The following KCNQ1OT1 variants were observed in gnomAD, a reference collection of about 807,000 sequenced individuals.
KCNQ1OT1 encodes the protein KCNQ1 antisense RNA 2 (non-protein coding).
chr11:2,628,383 A>G (rs1849294458), exon 1 of KCNQ1OT1: 2 of 398,366 alleles, frequency 5.0e-6, no homozygotes, highest in South Asian at 2.5e-4. Flanking sequence ...TTCCCTGATG[A>G]TAAGTGATGT....
In KCNQ1OT1 at chr11:2,652,910, A is replaced by G. The variant is rs1849779471; in HGVS notation, n.47085T>C. ...TGTGGGGTGTGGTCCTCAGTATCCTAAACTTAGGTTTTGGAAAGCCCAGCA... is the reference window on the plus strand; with the variant it reads ...TGTGGGGTGTGGTCCTCAGTATCCTGAACTTAGGTTTTGGAAAGCCCAGCA... On this transcript the variant is annotated non_coding_transcript_exon_variant, in exon 1 of 1. Transcript: ENST00000597346. The surrounding 1 kb of genome is among the most constrained non-coding windows in gnomAD (Gnocchi z 5.9). 1 of 398,628 alleles carries G rather than the reference A, an allele frequency of 2.5e-6. No individual in the cohort carries two copies. Among genetic ancestry groups the G allele is most frequent in the African/African-American group, 2.1e-5 (1 of 48,750 alleles). The allele number at this position is 398,628 out of a possible 1,614,324, so 24.7% of individuals were successfully genotyped here.
chr11:2,638,623 C>G (rs1413192949), exon 1 of KCNQ1OT1: 1 of 152,154 alleles, frequency 6.6e-6, no homozygotes, highest in East Asian at 1.9e-4. Flanking sequence ...TCCTTCATTT[C>G]AACTTTGGTG....
In KCNQ1OT1 at chr11:2,626,512, G is replaced by T. The variant is rs533151733; in HGVS notation, n.73483C>A. ...TCAATACCACATAGTTTTGATTACT[G>T]TAGCTTCGTAATAAGTTGGGGTTTT... On this transcript the variant is annotated non_coding_transcript_exon_variant, in exon 1 of 1. Coordinates refer to ENST00000597346, the Ensembl canonical transcript of KCNQ1OT1. This position sits in a 1 kb window ranked among gnomAD's most constrained non-coding sequence, Gnocchi z 4.0. 6 of 398,438 alleles carry T rather than the reference G, an allele frequency of 1.5e-5. No homozygotes were observed. Among genetic ancestry groups the T allele is most frequent in the Non-Finnish European group, 2.7e-5 (6 of 226,086 alleles). 24.7% of individuals were successfully genotyped at this position (398,438 alleles called of 1,614,324 possible). A position where few individuals can be genotyped will look rare whatever the true frequency, so the allele number is the denominator to read the frequency against.
At position 2,677,616 on chromosome 11, in the gene KCNQ1OT1, A is replaced by G. The variant is rs567122949; in HGVS notation, n.22379T>C. The stretch of plus-strand genomic sequence containing the variant: ...ATCCCCTCTGGATTTGTTTTTTTCT[A>G]AAACGTGTACATAATTGTAACTCTA... On this transcript the variant is annotated non_coding_transcript_exon_variant, in exon 1 of 1. Coordinates refer to ENST00000597346, the Ensembl canonical transcript of KCNQ1OT1. The surrounding 1 kb of genome is among the most constrained non-coding windows in gnomAD (Gnocchi z 4.5). The G allele has an allele frequency of 1.5e-5, 6 of 398,632 alleles. No individual in the cohort carries two copies. Among genetic ancestry groups the G allele is most frequent in the East Asian group, 1.1e-4 (3 of 28,074 alleles). The allele number at this position is 398,632 out of a possible 1,614,324, so 24.7% of individuals were successfully genotyped here. A position where few individuals can be genotyped will look rare whatever the true frequency, so the allele number is the denominator to read the frequency against.
rs1212795948 is a variant in KCNQ1OT1, at chr11:2,621,537, A to G, written n.78458T>C. On this transcript the variant is annotated non_coding_transcript_exon_variant, in exon 1 of 1. Transcript: ENST00000597346. The surrounding 1 kb of genome is among the most constrained non-coding windows in gnomAD (Gnocchi z 5.7). ...TTGATAATTTCTTTTGCTATGCAGA[A>G]GCTCTTTAGTTTACCACTGTGATCT... 2.5e-6 allele frequency: 1 copy of G among 398,384 alleles called. No homozygotes were observed. The highest frequency in any genetic ancestry group is 4.4e-6 in the Non-Finnish European group (1 of 226,034). The allele number at this position is 398,384 out of a possible 1,614,324, so 24.7% of individuals were successfully genotyped here. A position where few individuals can be genotyped will look rare whatever the true frequency, so the allele number is the denominator to read the frequency against.
At position 2,676,856 on chromosome 11, in the gene KCNQ1OT1, G is replaced by C. The variant is rs1439836458; in HGVS notation, n.23139C>G. On this transcript the variant is annotated non_coding_transcript_exon_variant, in exon 1 of 1. Transcript: ENST00000597346. The surrounding 1 kb of genome is among the most constrained non-coding windows in gnomAD (Gnocchi z 4.2). Reference sequence around the variant, plus strand: ...TGTTGTAATGACACCTGTCAGCTTTGACTGGGGAGCCCTTTCATTTCTTAG... The same window carrying C: ...TGTTGTAATGACACCTGTCAGCTTTCACTGGGGAGCCCTTTCATTTCTTAG... 5.0e-6 allele frequency: 2 copies of C among 398,516 alleles called. No homozygotes were observed. Among genetic ancestry groups the C allele is most frequent in the East Asian group, 7.1e-5 (2 of 28,088 alleles). The allele number at this position is 398,516 out of a possible 1,614,324, so 24.7% of individuals were successfully genotyped here.
Position 2,658,573 on chromosome 11 carries a change from A to G in KCNQ1OT1, n.41422T>C, listed in dbSNP as rs1256785362. The G allele has an allele frequency of 8.8e-6, 3 of 339,346 alleles. No homozygotes were observed. Among genetic ancestry groups the G allele is most frequent in the African/African-American group, 2.6e-5 (1 of 37,880 alleles). The allele number at this position is 339,346 out of a possible 1,614,324, so 21.0% of individuals were successfully genotyped here. A position where few individuals can be genotyped will look rare whatever the true frequency, so the allele number is the denominator to read the frequency against. On this transcript the variant is annotated non_coding_transcript_exon_variant, in exon 1 of 1. Coordinates refer to ENST00000597346, the Ensembl canonical transcript of KCNQ1OT1. This position sits in a 1 kb window ranked among gnomAD's most constrained non-coding sequence, Gnocchi z 4.9. ...TAGCCCTAGAATCATCCATTCATCC[A>G]GAGAGCCCTGGCTCCCTGGAGAATG...
In KCNQ1OT1 at chr11:2,676,516, G is replaced by C. The variant is rs187649023; in HGVS notation, n.23479C>G. On this transcript the variant is annotated non_coding_transcript_exon_variant, in exon 1 of 1. Transcript: ENST00000597346. The surrounding 1 kb of genome is among the most constrained non-coding windows in gnomAD (Gnocchi z 4.2). Reference sequence around the variant, plus strand: ...CCATTTCTGGTGAACACTTGGACTTGGCAAAAGGCATAGAGGTAGTGGTAC... The same window carrying C: ...CCATTTCTGGTGAACACTTGGACTTCGCAAAAGGCATAGAGGTAGTGGTAC... The C allele has an allele frequency of 2.5e-6, 1 of 398,670 alleles. No homozygotes were observed. The highest frequency in any genetic ancestry group is 2.1e-5 in the African/African-American group (1 of 48,766). 24.7% of individuals were successfully genotyped at this position (398,670 alleles called of 1,614,324 possible). A position where few individuals can be genotyped will look rare whatever the true frequency, so the allele number is the denominator to read the frequency against.
chr11:2,686,985 G>A (rs1350849333), exon 1 of KCNQ1OT1: 11 of 398,528 alleles, frequency 2.8e-5, no homozygotes, highest in Non-Finnish European at 4.4e-6. Flanking sequence ...GGACAACACT[G>A]GGCCCTGACT....
At position 2,659,721 on chromosome 11, in the gene KCNQ1OT1, A is replaced by G. The variant is rs1472748300; in HGVS notation, n.40274T>C. The stretch of plus-strand genomic sequence containing the variant: ...CATTTTGCATTCCCACCAGTAACAT[A>G]TGAGAGTTCTACATGTTCCACATCC... On this transcript the variant is annotated non_coding_transcript_exon_variant, in exon 1 of 1. Transcript: ENST00000597346. The surrounding 1 kb of genome is among the most constrained non-coding windows in gnomAD (Gnocchi z 4.3). 7.5e-6 allele frequency: 3 copies of G among 398,408 alleles called. No individual in the cohort carries two copies. Among genetic ancestry groups the G allele is most frequent in the African/African-American group, 6.2e-5 (3 of 48,630 alleles). The allele number at this position is 398,408 out of a possible 1,614,324, so 24.7% of individuals were successfully genotyped here. A position where few individuals can be genotyped will look rare whatever the true frequency, so the allele number is the denominator to read the frequency against.
rs997115625 is a variant in KCNQ1OT1, at chr11:2,657,324, A to G, written n.42671T>C. The G allele has an allele frequency of 1.0e-5, 4 of 398,490 alleles. No homozygotes were observed. Among genetic ancestry groups the G allele is most frequent in the African/African-American group, 8.2e-5 (4 of 48,622 alleles). The allele number at this position is 398,490 out of a possible 1,614,324, so 24.7% of individuals were successfully genotyped here. On this transcript the variant is annotated non_coding_transcript_exon_variant, in exon 1 of 1. Coordinates refer to ENST00000597346, the Ensembl canonical transcript of KCNQ1OT1. The surrounding 1 kb of genome is among the most constrained non-coding windows in gnomAD (Gnocchi z 4.8). ...TTTTGAGATAATCTTTTCAGTATTG[A>G]GTCTTCTAGTCATTGGAATGAAGGC...
exon 1 of KCNQ1OT1, chr11:2,650,014 A>T (rs1018993079): frequency 5.0e-6 from 2 of 398,274 alleles, no homozygotes; most frequent in African/African-American, 4.1e-5. Flanking sequence ...TGTCTGGTTT[A>T]TTGCAAAACA....
chr11:2,626,270 G>A lies in KCNQ1OT1; in HGVS notation n.73725C>T. On this transcript the variant is annotated non_coding_transcript_exon_variant, in exon 1 of 1. Coordinates refer to ENST00000597346, the Ensembl canonical transcript of KCNQ1OT1. The surrounding 1 kb of genome is among the most constrained non-coding windows in gnomAD (Gnocchi z 4.0). Reference sequence around the variant, plus strand: ...TCAACTTCATTCTCTTTTATACATGGTTAGGTAAGGATCTCAACTTCATTC... The same window carrying A: ...TCAACTTCATTCTCTTTTATACATGATTAGGTAAGGATCTCAACTTCATTC... The A allele has an allele frequency of 2.5e-6, 1 of 398,364 alleles. No individual in the cohort carries two copies. Among genetic ancestry groups the A allele is most frequent in the Non-Finnish European group, 4.4e-6 (1 of 226,014 alleles). The allele number at this position is 398,364 out of a possible 1,614,324, so 24.7% of individuals were successfully genotyped here. A position where few individuals can be genotyped will look rare whatever the true frequency, so the allele number is the denominator to read the frequency against.
At chr11:2,662,427 T>G in exon 1 of KCNQ1OT1, 3 of 500,270 alleles carry the variant, frequency 6.0e-6, no homozygotes, top group Non-Finnish European at 1.1e-5. Context: ...TTTTAGCATT[T>G]CCCCATGGAA....
exon 1 of KCNQ1OT1, chr11:2,628,431 T>C: frequency 2.5e-6 from 1 of 398,514 alleles, no homozygotes; most frequent in Non-Finnish European, 4.4e-6. Context: ...CATCTGTATG[T>C]CTTCTTTGAA....
At chr11:2,696,607 G>T (rs1476346072) in exon 1 of KCNQ1OT1, 3 of 398,530 alleles carry the variant, frequency 7.5e-6, no homozygotes. Flanking sequence ...CCTCCAACTG[G>T]AAGTTTGAGT....
Position 2,668,867 on chromosome 11 carries a change from CTT to C in KCNQ1OT1, n.31126_31127del. ...GGCTGTTTGTGTCCTATTTAAGAAA[CTT>C]TGACTACTCCAAGGTCATAAAGATA... On this transcript the variant is annotated non_coding_transcript_exon_variant, in exon 1 of 1. Coordinates refer to ENST00000597346, the Ensembl canonical transcript of KCNQ1OT1. The surrounding 1 kb of genome is among the most constrained non-coding windows in gnomAD (Gnocchi z 4.3). The C allele has an allele frequency of 5.0e-6, 2 of 398,588 alleles. No homozygotes were observed. Among genetic ancestry groups the C allele is most frequent in the Admixed American group, 4.4e-5 (1 of 22,738 alleles). 24.7% of individuals were successfully genotyped at this position (398,588 alleles called of 1,614,324 possible).
rs954041875 is a variant in KCNQ1OT1, at chr11:2,613,530, G to A, written n.86465C>T. On this transcript the variant is annotated non_coding_transcript_exon_variant, in exon 1 of 1. Transcript: ENST00000597346. This position sits in a 1 kb window ranked among gnomAD's most constrained non-coding sequence, Gnocchi z 4.8. Reference sequence around the variant, plus strand: ...TTGGGTGGGGAGATGGCAGCCCCACGTTAAATCATAACCCTGCTATTCTTA... The same window carrying A: ...TTGGGTGGGGAGATGGCAGCCCCACATTAAATCATAACCCTGCTATTCTTA... The A allele has an allele frequency of 3.5e-5, 14 of 398,306 alleles. No individual in the cohort carries two copies. Among genetic ancestry groups the A allele is most frequent in the Admixed American group, 1.3e-4 (3 of 22,676 alleles). The allele number at this position is 398,306 out of a possible 1,614,324, so 24.7% of individuals were successfully genotyped here. A position where few individuals can be genotyped will look rare whatever the true frequency, so the allele number is the denominator to read the frequency against.
At position 2,653,683 on chromosome 11, in the gene KCNQ1OT1, A is replaced by T; in HGVS notation, n.46312T>A. Reference sequence around the variant, plus strand: ...GCCACCAGCTTGCATTCAACAGCTCAGGAAGCCCAGCAGAACGAGGTCATC... The same window carrying T: ...GCCACCAGCTTGCATTCAACAGCTCTGGAAGCCCAGCAGAACGAGGTCATC... On this transcript the variant is annotated non_coding_transcript_exon_variant, in exon 1 of 1. Coordinates refer to ENST00000597346, the Ensembl canonical transcript of KCNQ1OT1. The surrounding 1 kb of genome is among the most constrained non-coding windows in gnomAD (Gnocchi z 5.3). 2.5e-6 allele frequency: 1 copy of T among 398,736 alleles called. No homozygotes were observed. Among genetic ancestry groups the T allele is most frequent in the Non-Finnish European group, 4.4e-6 (1 of 226,126 alleles). The allele number at this position is 398,736 out of a possible 1,614,324, so 24.7% of individuals were successfully genotyped here.
Sources: gnomAD v4.1 joint callset for allele counts on GRCh38, gnomAD v4.1.1 for gene constraint, Gnocchi (gnomAD v3.1) non-coding constraint, MANE v1.5 for transcripts, NCBI Gene and HGNC (gene_info 2026-07-23, HGNC 2026-07-21) for gene names.